The following PTPRD variants were observed in gnomAD, a reference collection of about 807,000 sequenced individuals.
The protein encoded by PTPRD is protein tyrosine phosphatase receptor type D.
Under a neutral mutation model 214.5 loss-of-function variants are expected in PTPRD, and 34 were observed. That is an observed-to-expected ratio of 0.16 (90% CI 0.12 to 0.21). PTPRD has a LOEUF of 0.21. PTPRD is among the 10% of genes least tolerant of loss of function. The pLI, the probability that PTPRD is intolerant of heterozygous loss-of-function variation, is 1.00. For synonymous variants in PTPRD, 1,128 were observed against 845.7 expected, an observed-to-expected ratio of 1.33 and a Z score of -5.79; for missense variants, 2,545 against 2,398.7, an observed-to-expected ratio of 1.06 and a Z score of -1.27.
chr9:8,564,135 C>T (rs1785819478), intron 14 of PTPRD, among the ~76,000 whole-genome samples: 1 of 142,170 alleles, frequency 7.0e-6, no homozygotes, highest in Non-Finnish European at 1.5e-5. Flanking sequence ...GCCACATGAT[C>T]TGGAGGATAA....
At chr9:8,790,159 G>A (rs1486119003) in intron 11 of PTPRD, among the ~76,000 whole-genome samples, 1 of 151,864 alleles carries the variant, frequency 6.6e-6, no homozygotes, top group Non-Finnish European at 1.5e-5. Flanking sequence ...TGGGACTACA[G>A]GCACGCATCA....
At chr9:10,026,420 C>T (rs1227080607) in intron 4 of PTPRD, among the ~76,000 whole-genome samples, 1 of 152,144 alleles carries the variant, frequency 6.6e-6, no homozygotes, top group African/African-American at 2.4e-5. Flanking sequence ...TGATTGTGAA[C>T]ATATTTTTTA....
At position 8,449,799 on chromosome 9, in the gene PTPRD, G is replaced by A. The variant is rs61733196; in HGVS notation, c.3914C>T (p.Pro1305Leu). 1.2e-5 allele frequency: 20 copies of A among 1,613,788 alleles called. No individual in the cohort carries two copies. The highest frequency in any genetic ancestry group is 1.6e-5 in the Non-Finnish European group (19 of 1,179,936). The change falls in exon 34 of 46, where the codon CCG becomes CTG. Residue 1305 changes from proline (P) to leucine (L), a missense_variant. Coordinates refer to ENST00000381196, the MANE Select transcript of PTPRD (RefSeq NM_002839.4). The part of the protein sequence containing the change: ...AESDSRKSSI[P>L]NNKEIPSHHP... ...GTGTGAAGGGATCTCCTTATTGTTC[G>A]GTATGCTGCTTTTTCTAGAGTCGGA...
Position 8,315,990 on chromosome 9 carries a change from C to A in PTPRD, c.*1884G>T, listed in dbSNP as rs1344636822. 1 of 227,194 alleles carries A rather than the reference C, an allele frequency of 4.4e-6. No homozygotes were observed. The highest frequency in any genetic ancestry group is 2.2e-5 in the African/African-American group (1 of 44,944). 14.1% of individuals were successfully genotyped at this position (227,194 alleles called of 1,614,324 possible). The stretch of plus-strand genomic sequence containing the variant: ...TTTTAGAAAAATCCTAATGGAATAT[C>A]AAATATATTCCAAAGTTGCCAATGA... On this transcript the variant is annotated 3_prime_UTR_variant, in exon 46 of 46. Transcript: ENST00000381196.
chr9:8,446,443 A>G (rs978337335), intron 34 of PTPRD, among the ~76,000 whole-genome samples: 5 of 152,242 alleles, frequency 3.3e-5, no homozygotes, highest in Non-Finnish European at 7.3e-5. Flanking sequence ...TGAAAGGCCT[A>G]CTGAATTTCA....
chr9:8,460,860 A>C (rs76174161), intron 32 of PTPRD, among the ~76,000 whole-genome samples: 6,917 of 152,178 alleles, frequency 0.045, 245 homozygotes, highest in Non-Finnish European at 0.067. Flanking sequence ...ATGGTGTATT[A>C]AATGATCCTA....
chr9:9,543,220 A>G (rs535297623), intron 8 of PTPRD, among the ~76,000 whole-genome samples: 1 of 151,866 alleles, frequency 6.6e-6, no homozygotes, highest in Non-Finnish European at 1.5e-5. Flanking sequence ...ATATTTTAAG[A>G]TTCCATTTAC....
chr9:10,244,371 G>A (rs1032135991), intron 3 of PTPRD, among the ~76,000 whole-genome samples: 1 of 152,068 alleles, frequency 6.6e-6, no homozygotes, highest in Non-Finnish European at 1.5e-5. Flanking sequence ...ACTGTACATG[G>A]TAGATGGTTG....
intron 12 of PTPRD, among the ~76,000 whole-genome samples, chr9:8,643,661 C>T (rs965390817): frequency 3.1e-4 from 47 of 152,208 alleles, no homozygotes; most frequent in Admixed American, 1.4e-3. Flanking sequence ...AGAGTTGAGG[C>T]CGAGCCTAGG....
chr9:10,049,077 G>A (rs1050772698), intron 3 of PTPRD, among the ~76,000 whole-genome samples: 1 of 151,968 alleles, frequency 6.6e-6, no homozygotes, highest in African/African-American at 2.4e-5. Context: ...AATGTAAGTG[G>A]CATAAAAGAA....
intron 31 of PTPRD, among the ~76,000 whole-genome samples, chr9:8,467,782 T>G (rs1303443801): frequency 6.9e-6 from 1 of 145,166 alleles, no homozygotes; most frequent in Non-Finnish European, 1.5e-5. Flanking sequence ...CATATGCTAA[T>G]TAAAAAAAAT....
At chr9:9,995,667 G>A (rs1159627412) in intron 4 of PTPRD, among the ~76,000 whole-genome samples, 1 of 152,066 alleles carries the variant, frequency 6.6e-6, no homozygotes, top group African/African-American at 2.4e-5. Flanking sequence ...ACTCCCTGCT[G>A]TTTCCACGTC....
chr9:8,850,713 A>G (rs1304070547), intron 11 of PTPRD, among the ~76,000 whole-genome samples: 1 of 152,216 alleles, frequency 6.6e-6, no homozygotes, highest in Non-Finnish European at 1.5e-5. Context: ...ATAATGAGCT[A>G]TTTCAACCAG....
At chr9:8,845,548 A>C (rs923216934) in intron 11 of PTPRD, among the ~76,000 whole-genome samples, 1 of 152,232 alleles carries the variant, frequency 6.6e-6, no homozygotes, top group African/African-American at 2.4e-5. Context: ...TGTGCCTTAC[A>C]GGCATGGCAC....
intron 2 of PTPRD, among the ~76,000 whole-genome samples, chr9:10,452,868 T>C (rs2098853202): frequency 1.3e-5 from 2 of 151,748 alleles, no homozygotes; most frequent in South Asian, 4.1e-4. Flanking sequence ...GTTTTCTCCG[T>C]TTTTGGAATC....
At chr9:10,371,165 T>C (rs1008533742) in intron 2 of PTPRD, among the ~76,000 whole-genome samples, 1 of 151,948 alleles carries the variant, frequency 6.6e-6, no homozygotes, top group Non-Finnish European at 1.5e-5. Flanking sequence ...TATGCTCTTA[T>C]TGTAAAATTT....
chr9:10,538,610 C>A (rs1228857951), intron 2 of PTPRD, among the ~76,000 whole-genome samples: 1 of 152,076 alleles, frequency 6.6e-6, no homozygotes, highest in East Asian at 1.9e-4. Context: ...GACAGGAACA[C>A]TGATTCTCCC....
intron 9 of PTPRD, among the ~76,000 whole-genome samples, chr9:9,353,575 T>G (rs2052379695): frequency 6.6e-6 from 1 of 151,804 alleles, no homozygotes; most frequent in African/African-American, 2.4e-5. Flanking sequence ...TTCTATTCAC[T>G]TTACATAGGA....
At chr9:10,118,668 T>G (rs559956619) in intron 3 of PTPRD, among the ~76,000 whole-genome samples, 1 of 151,502 alleles carries the variant, frequency 6.6e-6, no homozygotes, top group Non-Finnish European at 1.5e-5. Context: ...AAATGTAATA[T>G]AATATAAAAA....
Sources: allele counts gnomAD v4.1 joint callset (sites outside exome capture counted in the v4.1 genomes callset), GRCh38; gene constraint gnomAD v4.1.1; transcripts MANE v1.5; gene names NCBI Gene and HGNC (gene_info 2026-07-23, HGNC 2026-07-21).